Variants in FAM131B observed in about 807,000 individuals in gnomAD.
FAM131B encodes the protein protein FAM131B.
A neutral mutation model predicts 42.0 loss-of-function variants in FAM131B; 19 were observed. The observed-to-expected ratio is 0.45, with a 90% CI of 0.32 to 0.66. The LOEUF is 0.66. Among genes scored for constraint, FAM131B ranks in the 30% least tolerant of loss-of-function variants. FAM131B has a pLI of 0.05. For missense variants in FAM131B, 370 were observed against 468.4 expected, an observed-to-expected ratio of 0.79 and a Z score of 1.94; for synonymous variants, 183 against 177.6, an observed-to-expected ratio of 1.03 and a Z score of -0.24.
upstream of FAM131B, among the ~76,000 whole-genome samples, chr7:143,365,636 C>T (rs1038843729): frequency 4.6e-5 from 7 of 152,114 alleles, no homozygotes; most frequent in Admixed American, 2.6e-4. Flanking sequence ...CAGGGTCTCA[C>T]GCTTACCCAG....
At chr7:143,367,115 G>C (rs936167245), upstream of FAM131B, among the ~76,000 whole-genome samples, 3 of 152,188 alleles carry the variant, frequency 2.0e-5, no homozygotes, top group Non-Finnish European at 4.4e-5. Flanking sequence ...ATCCCCAGCT[G>C]GTTTCCCAGA....
chr7:143,356,488 G>A lies in FAM131B; in HGVS notation c.*62C>T. ...TCAGCTGTACTGCTGGGGGGAGGGA[G>A]GGTATGGGTCACAGCCATGGCCCTC... On this transcript the variant is annotated 3_prime_UTR_variant, in exon 7 of 7. Transcript: ENST00000443739. The surrounding 1 kb of genome is among the most constrained non-coding windows in gnomAD (Gnocchi z 4.4). 1.6e-6 allele frequency: 2 copies of A among 1,247,902 alleles called. No homozygotes were observed. The highest frequency in any genetic ancestry group is 1.3e-5 in the South Asian group (1 of 77,234). The allele number at this position is 1,247,902 out of a possible 1,614,324, so 77.3% of individuals were successfully genotyped here. A position where few individuals can be genotyped will look rare whatever the true frequency, so the allele number is the denominator to read the frequency against.
chr7:143,372,212 T>C, the FAM131B span, among the ~76,000 whole-genome samples: 1 of 152,240 alleles, frequency 6.6e-6, no homozygotes. Context: ...TATGTTTTTC[T>C]GTAGTGCCAC....
At chr7:143,380,436 C>T in the FAM131B span, 2 of 985,296 alleles carry the variant, frequency 2.0e-6, no homozygotes, top group African/African-American at 1.7e-5. The surrounding 1 kb of genome is among the most constrained non-coding windows in gnomAD (Gnocchi z 5.0). Context: ...CACCGTCGCC[C>T]GGGGTCTCCA....
chr7:143,360,025 T>A lies in FAM131B; in HGVS notation c.138+15A>T. The A allele has an allele frequency of 6.3e-7, 1 of 1,589,348 alleles. No individual in the cohort carries two copies. Among genetic ancestry groups the A allele is most frequent in the Non-Finnish European group, 8.6e-7 (1 of 1,158,204 alleles). The stretch of plus-strand genomic sequence containing the variant: ...CAGGCAGCCAGAGACTTGGGGTGGC[T>A]GAGTGAGGTCTCACCTCAGTCGATG... On this transcript the variant is annotated intron_variant, in intron 2 of 6. Transcript: ENST00000443739.
chr7:143,362,776 G>C (rs1225621164), upstream of FAM131B: 1 of 191,458 alleles, frequency 5.2e-6, no homozygotes, highest in African/African-American at 2.5e-5. This position sits in a 1 kb window ranked among gnomAD's most constrained non-coding sequence, Gnocchi z 7.7. Context: ...CGCCGCCGCC[G>C]CCGCCGCCGC....
rs1428912952 is a variant in FAM131B, at chr7:143,359,739, C to T, written c.167G>A (p.Gly56Asp). The change falls in exon 3 of 7, where the codon GGC (glycine) becomes GAC (aspartate). Residue 56 changes from glycine (G) to aspartate (D), a missense_variant. Physicochemically the swap from Gly to Asp is moderately conservative, Grantham distance 94. Transcript: ENST00000443739. This position sits in a 1 kb window ranked among gnomAD's most constrained non-coding sequence, Gnocchi z 5.4. Reference sequence around the variant, plus strand: ...GGGGGCAGCTGCACTCACGTTGATGCCGTCCCAGGAGAAATCAGTTCGAGT... The same window carrying T: ...GGGGGCAGCTGCACTCACGTTGATGTCGTCCCAGGAGAAATCAGTTCGAGT... ...EQTRTDFSWD[G>D]INLSMEDTTS... 2.5e-6 allele frequency: 4 copies of T among 1,570,828 alleles called. No homozygotes were observed. The highest frequency in any genetic ancestry group is 1.8e-4 in the Middle Eastern group (1 of 5,466).
At chr7:143,363,065 G>C (rs940837932), upstream of FAM131B, among the ~76,000 whole-genome samples, 1 of 152,126 alleles carries the variant, frequency 6.6e-6, no homozygotes, top group Non-Finnish European at 1.5e-5. Context: ...TGCGGGCCGG[G>C]GTCAGGGGAT....
chr7:143,359,915 T>C lies in FAM131B; in HGVS notation c.138+125A>G, dbSNP rs1476597150. The C allele has an allele frequency of 1.0e-5, 10 of 989,150 alleles. No homozygotes were observed. Among genetic ancestry groups the C allele is most frequent in the Admixed American group, 2.0e-5 (1 of 50,066 alleles). 61.3% of individuals were successfully genotyped at this position (989,150 alleles called of 1,614,324 possible). ...CGCTAACTGGGTTCTCCATGTGGAC[T>C]GCTTGGCATGTGTTGTGAGAAATGT... On this transcript the variant is annotated intron_variant, in intron 2 of 6. Coordinates refer to ENST00000443739, the MANE Select transcript of FAM131B (RefSeq NM_001031690.3). This position sits in a 1 kb window ranked among gnomAD's most constrained non-coding sequence, Gnocchi z 5.4.
upstream of FAM131B, among the ~76,000 whole-genome samples, chr7:143,367,475 G>A (rs1176371023): frequency 6.6e-6 from 1 of 152,208 alleles, no homozygotes; most frequent in African/African-American, 2.4e-5. Flanking sequence ...GGGAGACCAA[G>A]GCGGGCAGAT....
chr7:143,381,392 C>A, the FAM131B span: 1 of 1,188,170 alleles, frequency 8.4e-7, no homozygotes. Context: ...AGACGCGGCG[C>A]GCACGCTCCG....
chr7:143,377,668 T>C, the FAM131B span, among the ~76,000 whole-genome samples: 471 of 152,238 alleles, frequency 3.1e-3, 3 homozygotes, highest in African/African-American at 0.011. Flanking sequence ...CACAGGTTTA[T>C]AGTGATGATT....
chr7:143,368,083 G>A, the FAM131B span, among the ~76,000 whole-genome samples: 4 of 152,200 alleles, frequency 2.6e-5, no homozygotes, highest in East Asian at 1.9e-4. Flanking sequence ...GAATGTCAGC[G>A]CTTTCCTGCT....
chr7:143,360,157 G>A lies in FAM131B; in HGVS notation c.29-8C>T, dbSNP rs563252562. On this transcript the variant is annotated splice_polypyrimidine_tract_variant and splice_region_variant and intron_variant, in intron 1 of 6. Coordinates refer to ENST00000443739, the MANE Select transcript of FAM131B (RefSeq NM_001031690.3). The stretch of plus-strand genomic sequence containing the variant: ...CTGCAATCACCTCATTCCCTGAGGG[G>A]GCCAGAAGGTTAGCCGCCGGCCCTC... 1.9e-6 allele frequency: 3 copies of A among 1,603,118 alleles called. No individual in the cohort carries two copies. The South Asian group carries it at 3.4e-5, about 18-fold the overall frequency.
chr7:143,382,044 C>A, the FAM131B span: 2 of 604,976 alleles, frequency 3.3e-6, no homozygotes, highest in Non-Finnish European at 5.7e-6. Flanking sequence ...CGAAGTGTAA[C>A]GGGAGCTGCA....
In FAM131B at chr7:143,360,125, C is replaced by T; in HGVS notation, c.53G>A (p.Trp18Ter). The T allele has an allele frequency of 6.2e-7, 1 of 1,613,374 alleles. No individual in the cohort carries two copies. Among genetic ancestry groups the T allele is most frequent in the Non-Finnish European group, 8.5e-7 (1 of 1,179,726 alleles). Residue 18 changes from tryptophan to a stop codon, truncating the protein, a stop_gained, in exon 2 of 7, where the codon TGG (tryptophan) becomes TAG (stop). Coordinates refer to ENST00000443739, the MANE Select transcript of FAM131B (RefSeq NM_001031690.3). LOFTEE classifies it high-confidence loss of function. ...TVGNEVIAVD[W>*]KGLKDVDQIN... is the part of the protein sequence containing the mutation. Reference sequence around the variant, plus strand: ...TTGATCGACATCCTTCAGGCCCTTCCAATCCACTGCAATCACCTCATTCCC... The same window carrying T: ...TTGATCGACATCCTTCAGGCCCTTCTAATCCACTGCAATCACCTCATTCCC...
chr7:143,370,305 A>G, the FAM131B span, among the ~76,000 whole-genome samples: 1 of 152,196 alleles, frequency 6.6e-6, no homozygotes, highest in African/African-American at 2.4e-5. Context: ...GCACTCCTCA[A>G]CTTACCCAAT....
chr7:143,364,901 CA>C (rs1358945233), upstream of FAM131B, among the ~76,000 whole-genome samples: 23 of 152,146 alleles, frequency 1.5e-4, no homozygotes, highest in Admixed American at 3.9e-4. Context: ...ATAAAATGAT[CA>C]GGCAAGACAC....
chr7:143,362,663 C>T lies in FAM131B; in HGVS notation c.-60G>A, dbSNP rs1490555063. 23 of 1,030,676 alleles carry T rather than the reference C, an allele frequency of 2.2e-5. No individual in the cohort carries two copies. Among genetic ancestry groups the T allele is most frequent in the Non-Finnish European group, 2.6e-5 (21 of 818,288 alleles). The allele number at this position is 1,030,676 out of a possible 1,614,324, so 63.8% of individuals were successfully genotyped here. A position where few individuals can be genotyped will look rare whatever the true frequency, so the allele number is the denominator to read the frequency against. On this transcript the variant is annotated 5_prime_UTR_variant, in exon 1 of 7. It adds an upstream start codon to the 5' untranslated region. Coordinates refer to ENST00000443739, the MANE Select transcript of FAM131B (RefSeq NM_001031690.3). The surrounding 1 kb of genome is among the most constrained non-coding windows in gnomAD (Gnocchi z 7.7). Reference sequence around the variant, plus strand: ...CTCGGGGCGCGCGCCGGGGGGAGCACCGGGAGCCGCGCCGCCGCCCCAGCC... The same window carrying T: ...CTCGGGGCGCGCGCCGGGGGGAGCATCGGGAGCCGCGCCGCCGCCCCAGCC...
Sources: allele counts gnomAD v4.1 joint callset (sites outside exome capture counted in the v4.1 genomes callset), GRCh38; gene constraint gnomAD v4.1.1; non-coding constraint Gnocchi (gnomAD v3.1); transcripts MANE v1.5; gene names NCBI Gene and HGNC (gene_info 2026-07-23, HGNC 2026-07-21).